Variants in TBC1D19 observed in about 807,000 individuals in gnomAD.
TBC1D19 encodes the protein TBC1 domain family member 19.
TBC1D19 carries 60 observed loss-of-function variants against 89.0 expected under a neutral mutation model. The ratio of observed to expected loss-of-function variants is 0.67; its 90% CI spans 0.55 to 0.84. TBC1D19 has a LOEUF of 0.84. TBC1D19 is among the 40% of genes least tolerant of loss of function. The probability of loss-of-function intolerance (pLI) is 0.00; values close to 1 mark genes in which losing one functional copy is unlikely to be tolerated. For missense variants in TBC1D19, 500 were observed against 610.8 expected (o/e 0.82, Z 1.91); for synonymous variants, 189 against 199.7 (o/e 0.95, Z 0.45).
At chr4:26,704,110 A>G (rs2109221629) in intron 13 of TBC1D19, among the ~76,000 whole-genome samples, 1 of 152,336 alleles carries the variant, frequency 6.6e-6, no homozygotes, top group Admixed American at 6.5e-5. Flanking sequence ...TAATAAGCCA[A>G]TCCTTTAGTA....
the TBC1D19 span, among the ~76,000 whole-genome samples, chr4:26,842,340 C>CTTTTCTTTTT: frequency 2.5e-5 from 2 of 81,576 alleles, no homozygotes; most frequent in East Asian, 7.7e-4. Context: ...CTTTTCTTTT[C>CTTTTCTTTTT]TTTTTTTTTT....
exon 1 of TBC1D19, chr4:26,576,788 T>C (rs1676742341): frequency 2.2e-6 from 1 of 456,038 alleles, no homozygotes; most frequent in Admixed American, 2.4e-5. Context: ...AATAAGACTC[T>C]GGGATGAAGG....
chr4:26,687,539 T>A (rs560140161), intron 12 of TBC1D19, among the ~76,000 whole-genome samples: 1 of 152,288 alleles, frequency 6.6e-6, no homozygotes, highest in African/African-American at 2.4e-5. Context: ...TGTTCATTTG[T>A]TTGCTTGTTA....
intron 10 of TBC1D19, among the ~76,000 whole-genome samples, chr4:26,672,936 T>C (rs1377833775): frequency 6.6e-6 from 1 of 151,962 alleles, no homozygotes; most frequent in Non-Finnish European, 1.5e-5. Flanking sequence ...GTCATTTTCA[T>C]TTAATATAAG....
At chr4:26,830,108 T>C in the TBC1D19 span, among the ~76,000 whole-genome samples, 50 of 152,290 alleles carry the variant, frequency 3.3e-4, no homozygotes, top group African/African-American at 1.1e-3. Flanking sequence ...GTGTAAGAAG[T>C]TGAGCCTACC....
chr4:26,738,510 A>G (rs4588445), intron 16 of TBC1D19, among the ~76,000 whole-genome samples: 76 of 151,878 alleles, frequency 5.0e-4, no homozygotes, highest in Non-Finnish European at 8.2e-4. Context: ...AAATATATGA[A>G]ATATCCTAAT....
intron 13 of TBC1D19, among the ~76,000 whole-genome samples, chr4:26,714,237 C>G (rs1716406063): frequency 6.6e-6 from 1 of 151,906 alleles, no homozygotes; most frequent in South Asian, 2.1e-4. Context: ...GAAAAGATCT[C>G]TTTAATGCAT....
the TBC1D19 span, among the ~76,000 whole-genome samples, chr4:26,775,142 C>A: frequency 6.6e-6 from 1 of 152,120 alleles, no homozygotes; most frequent in African/African-American, 2.4e-5. Context: ...TTGTACCCTC[C>A]AAAACTCATG....
intron 7 of TBC1D19, among the ~76,000 whole-genome samples, chr4:26,654,582 T>G (rs1164649712): frequency 2.0e-5 from 3 of 152,158 alleles, no homozygotes; most frequent in East Asian, 3.8e-4. Flanking sequence ...TTTCTTTTCA[T>G]TCTTTTTTCT....
chr4:26,582,861 T>G (rs1444066468), upstream of TBC1D19, among the ~76,000 whole-genome samples: 2 of 152,216 alleles, frequency 1.3e-5, no homozygotes, highest in Non-Finnish European at 2.9e-5. Context: ...CAGAGTGCTG[T>G]GCATAGAGGC....
chr4:26,695,561 A>G (rs891715189), intron 13 of TBC1D19, among the ~76,000 whole-genome samples: 4 of 152,108 alleles, frequency 2.6e-5, no homozygotes, highest in Non-Finnish European at 1.5e-5. Context: ...TAATTGTCGG[A>G]CTCATCAAGT....
chr4:26,667,262 TATA>T (rs1302898961), intron 9 of TBC1D19, among the ~76,000 whole-genome samples: 1 of 152,064 alleles, frequency 6.6e-6, no homozygotes, highest in Non-Finnish European at 1.5e-5. Context: ...AGAATACATC[TATA>T]ATAAGAGGAC....
chr4:26,713,841 A>G (rs1196895726), intron 13 of TBC1D19, among the ~76,000 whole-genome samples: 2 of 152,134 alleles, frequency 1.3e-5, no homozygotes, highest in South Asian at 4.1e-4. Flanking sequence ...ACATTTTTCA[A>G]TGTGTATACT....
At chr4:26,837,192 A>G in the TBC1D19 span, among the ~76,000 whole-genome samples, 1 of 152,164 alleles carries the variant, frequency 6.6e-6, no homozygotes, top group East Asian at 1.9e-4. Flanking sequence ...AGGTCTATAT[A>G]ATGGAGAAGC....
intron 1 of TBC1D19, among the ~76,000 whole-genome samples, chr4:26,596,460 G>GTGTA: frequency 7.2e-6 from 1 of 138,650 alleles, no homozygotes; most frequent in East Asian, 2.1e-4. Flanking sequence ...TAACTCGTGT[G>GTGTA]TGTGTGTGTG....
At chr4:26,644,490 G>A (rs377263362) in intron 7 of TBC1D19, among the ~76,000 whole-genome samples, 48 of 152,254 alleles carry the variant, frequency 3.2e-4, no homozygotes, top group Middle Eastern at 3.4e-3. Context: ...AAAACTGGAA[G>A]CATTCCCTTT....
intron 13 of TBC1D19, among the ~76,000 whole-genome samples, chr4:26,692,821 T>G (rs1714418738): frequency 6.6e-6 from 1 of 152,162 alleles, no homozygotes; most frequent in Admixed American, 6.5e-5. Context: ...TACGTTTAAT[T>G]GAATCAGACT....
At chr4:26,632,533 G>A (rs1485501741) in intron 4 of TBC1D19, among the ~76,000 whole-genome samples, 1 of 151,922 alleles carries the variant, frequency 6.6e-6, no homozygotes, top group Non-Finnish European at 1.5e-5. Flanking sequence ...GTAGGCTGAG[G>A]AGGAGGAGGA....
the TBC1D19 span, among the ~76,000 whole-genome samples, chr4:26,810,180 G>A: frequency 6.6e-6 from 1 of 152,184 alleles, no homozygotes; most frequent in Non-Finnish European, 1.5e-5. Flanking sequence ...GAGCCGAGGT[G>A]CTCACAGCAG....
Sources: gnomAD v4.1 joint callset for allele counts (sites outside exome capture counted in the v4.1 genomes callset) on GRCh38, gnomAD v4.1.1 for gene constraint, MANE v1.5 for transcripts, NCBI Gene and HGNC (gene_info 2026-07-23, HGNC 2026-07-21) for gene names.